The following FHIT variants were observed in gnomAD, a reference collection of about 807,000 sequenced individuals.
The protein encoded by FHIT is fragile histidine triad diadenosine triphosphatase, also known as bis(5'-adenosyl)-triphosphatase.
Under a neutral mutation model 17.9 loss-of-function variants are expected in FHIT, and 19 were observed. That is an observed-to-expected ratio of 1.06 (90% CI 0.74 to 1.56). FHIT has a LOEUF of 1.56. FHIT is among the 40% of genes most tolerant of loss of function. The pLI is 0.00. For missense variants in FHIT, 248 were observed against 189.2 expected, an observed-to-expected ratio of 1.31 and a Z score of -1.82; for synonymous variants, 81 against 69.7, an observed-to-expected ratio of 1.16 and a Z score of -0.81.
chr3:60,421,382 C>T lies in FHIT; in HGVS notation c.103+115478G>A, dbSNP rs558856658. ...TTTATCGATTGAAATTTAGTTCAAT[C>T]GATAAACATTTTAGCATACTTGGGT... On this transcript the variant is annotated intron_variant, in intron 5 of 9. Coordinates refer to ENST00000492590, the MANE Select transcript of FHIT (RefSeq NM_002012.4). Among the ~76,000 whole-genome samples, 9 of 152,112 alleles carry T rather than the reference C, an allele frequency of 5.9e-5. No homozygotes were observed. The East Asian group carries it at 7.8e-4, about 13-fold the overall frequency.
At chr3:60,639,270 G>C (rs2039667343) in intron 4 of FHIT, among the ~76,000 whole-genome samples, 1 of 151,878 alleles carries the variant, frequency 6.6e-6, no homozygotes, top group South Asian at 2.1e-4. Context: ...AGGACTTGAG[G>C]GACTAAGATT....
At chr3:60,024,196 A>G (rs1307302371) in intron 5 of FHIT, among the ~76,000 whole-genome samples, 1 of 152,172 alleles carries the variant, frequency 6.6e-6, no homozygotes, top group Non-Finnish European at 1.5e-5. Flanking sequence ...ACAATGAGGA[A>G]CCCTCTTCTA....
chr3:59,827,342 A>C (rs1456361387), intron 8 of FHIT, among the ~76,000 whole-genome samples: 1 of 152,248 alleles, frequency 6.6e-6, no homozygotes, highest in Non-Finnish European at 1.5e-5. Flanking sequence ...ATTTAAAGTC[A>C]GAGATGGCAA....
chr3:61,048,627 G>A (rs2033905889), intron 2 of FHIT, among the ~76,000 whole-genome samples: 1 of 152,044 alleles, frequency 6.6e-6, no homozygotes, highest in Non-Finnish European at 1.5e-5. Flanking sequence ...CCTATTACTG[G>A]GTATATACCC....
At position 60,993,509 on chromosome 3, in the gene FHIT, A is replaced by C. The variant is rs892164545; in HGVS notation, c.-111+48538T>G. Among the ~76,000 whole-genome samples the C allele has an allele frequency of 3.9e-5, 6 of 152,300 alleles. No homozygotes were observed. The South Asian group carries it at 1.0e-3, about 26-fold the overall frequency. On this transcript the variant is annotated intron_variant, in intron 3 of 9. Coordinates refer to ENST00000492590, the MANE Select transcript of FHIT (RefSeq NM_002012.4). ...CTGTCCCTGATGGTAGGCAAAAAGT[A>C]ACTTCTAGAAGGGAACTGATTTAGA...
intron 3 of FHIT, among the ~76,000 whole-genome samples, chr3:60,848,244 A>G (rs1703000509): frequency 6.6e-6 from 1 of 152,080 alleles, no homozygotes; most frequent in Non-Finnish European, 1.5e-5. Context: ...TTTCATTTCT[A>G]TGCCCTCCTG....
rs369206248 is a variant in FHIT at position 59,806,128 on chromosome 3, C to T, written c.349-53807G>A. Among the ~76,000 whole-genome samples, 37 of 151,516 alleles carry T rather than the reference C, an allele frequency of 2.4e-4. No individual in the cohort carries two copies. In the East Asian group the frequency reaches 6.0e-3, roughly 25 times the overall value. On this transcript the variant is annotated intron_variant, in intron 8 of 9. Coordinates refer to ENST00000492590, the MANE Select transcript of FHIT (RefSeq NM_002012.4). Reference sequence around the variant, plus strand: ...CCCAGGAGGCGGAGCTTGCAGTGAGCCGAGATCACACCGCTGCACTCCAGC... The same window carrying T: ...CCCAGGAGGCGGAGCTTGCAGTGAGTCGAGATCACACCGCTGCACTCCAGC...
chr3:61,167,591 T>C (rs1310211476), intron 2 of FHIT, among the ~76,000 whole-genome samples: 5 of 128,898 alleles, frequency 3.9e-5, no homozygotes, highest in Non-Finnish European at 7.7e-5. Flanking sequence ...ACTGCACCAC[T>C]GCACTCCAGC....
At chr3:60,700,969 T>C (rs2041231617) in intron 4 of FHIT, among the ~76,000 whole-genome samples, 1 of 152,182 alleles carries the variant, frequency 6.6e-6, no homozygotes, top group Non-Finnish European at 1.5e-5. Context: ...ATTTATATTG[T>C]TTAATGTACA....
intron 5 of FHIT, among the ~76,000 whole-genome samples, chr3:60,025,695 A>C (rs17256369): frequency 0.056 from 8,481 of 151,976 alleles, 249 homozygotes; most frequent in African/African-American, 0.071. Flanking sequence ...AGAATAAGCT[A>C]AATCATTTAC....
Position 60,279,986 on chromosome 3 carries a change from C to T in FHIT, c.103+256874G>A, listed in dbSNP as rs543254448. 6.1e-5 allele frequency among the ~76,000 whole-genome samples: 9 copies of T among 147,632 alleles called. No individual in the cohort carries two copies. The East Asian group carries it at 1.2e-3, about 20-fold the overall frequency. On this transcript the variant is annotated intron_variant, in intron 5 of 9. Coordinates refer to ENST00000492590, the MANE Select transcript of FHIT (RefSeq NM_002012.4). Reference sequence around the variant, plus strand: ...GGCGGAGCTTGCAGTGAGCGGAGATCGTGCCACCGCACTCCAGCGTGGGTG... The same window carrying T: ...GGCGGAGCTTGCAGTGAGCGGAGATTGTGCCACCGCACTCCAGCGTGGGTG...
chr3:59,878,290 C>T (rs748404613), intron 8 of FHIT, among the ~76,000 whole-genome samples: 5 of 151,822 alleles, frequency 3.3e-5, no homozygotes, highest in Middle Eastern at 3.4e-3. Context: ...CTTCCAGGCA[C>T]GTGTGTGTGT....
chr3:61,148,237 A>C (rs1454327585), intron 2 of FHIT, among the ~76,000 whole-genome samples: 1 of 152,052 alleles, frequency 6.6e-6, no homozygotes, highest in Admixed American at 6.6e-5. Context: ...GGGATAACTT[A>C]TATATAGTAA....
chr3:60,938,002 T>C (rs1708264264), intron 3 of FHIT, among the ~76,000 whole-genome samples: 1 of 152,154 alleles, frequency 6.6e-6, no homozygotes, highest in African/African-American at 2.4e-5. Context: ...ACTCTGTTTC[T>C]CTACAGGTCA....
At chr3:60,413,654 G>A (rs1311766529) in intron 5 of FHIT, among the ~76,000 whole-genome samples, 3 of 139,038 alleles carry the variant, frequency 2.2e-5, no homozygotes, top group African/African-American at 5.6e-5. Context: ...GGAACTCTGT[G>A]TGTGTGTGTG....
chr3:60,737,556 A>C (rs112996596), intron 4 of FHIT, among the ~76,000 whole-genome samples: 15 of 152,232 alleles, frequency 9.9e-5, no homozygotes, highest in Non-Finnish European at 1.9e-4. Context: ...ATAGCAAGCC[A>C]TTAACTGCTG....
At chr3:60,191,590 C>G (rs139602861) in intron 5 of FHIT, among the ~76,000 whole-genome samples, 1 of 152,076 alleles carries the variant, frequency 6.6e-6, no homozygotes, top group Non-Finnish European at 1.5e-5. Flanking sequence ...CTCAAACACA[C>G]AGAAAAGTAG....
At chr3:60,930,630 G>A (rs1553771461) in intron 3 of FHIT, among the ~76,000 whole-genome samples, 7 of 152,160 alleles carry the variant, frequency 4.6e-5, no homozygotes. Flanking sequence ...ATCATCACTG[G>A]CCATCAGAGA....
At chr3:60,045,748 A>C (rs1180490425) in intron 5 of FHIT, among the ~76,000 whole-genome samples, 2 of 152,100 alleles carry the variant, frequency 1.3e-5, no homozygotes, top group African/African-American at 2.4e-5. Flanking sequence ...GAACTGAAAA[A>C]ATTTGAATGT....
Sources: gnomAD v4.1 joint callset for allele counts (sites outside exome capture counted in the v4.1 genomes callset) on GRCh38, gnomAD v4.1.1 for gene constraint, MANE v1.5 for transcripts, NCBI Gene and HGNC (gene_info 2026-07-23, HGNC 2026-07-21) for gene names.